The following EEA1 variants were observed in gnomAD, a reference collection of about 807,000 sequenced individuals.
EEA1 encodes early endosome antigen 1, 162kD.
A neutral mutation model predicts 209.2 loss-of-function variants in EEA1; 111 were observed. That is an observed-to-expected ratio of 0.53 (90% CI 0.45 to 0.62). The LOEUF is 0.62. Ranked by LOEUF, EEA1 falls within the 20% of genes least tolerant of loss-of-function variation. The pLI, the probability that EEA1 is intolerant of heterozygous loss-of-function variation, is 0.00. For missense variants in EEA1, 1,343 were observed against 1,530.8 expected (o/e 0.88, Z 2.05); for synonymous variants, 536 against 540.6 (o/e 0.99, Z 0.12).
intron 20 of EEA1, 105 bp downstream of exon 20, chr12:92,801,495 T>C (rs1874905642): frequency 4.4e-6 from 3 of 677,634 alleles, no homozygotes; most frequent in Non-Finnish European, 4.5e-6. Context: ...AAAAAAATTA[T>C]CTGTGGAAAT....
chr12:92,814,424 A>C (rs1027844769), intron 15 of EEA1, among the ~76,000 whole-genome samples: 7 of 152,170 alleles, frequency 4.6e-5, no homozygotes, highest in African/African-American at 1.7e-4. Flanking sequence ...TATCTGAGGA[A>C]CCAAAAACTC....
intron 21 of EEA1, among the ~76,000 whole-genome samples, chr12:92,794,614 A>T (rs1874568686): frequency 6.6e-6 from 1 of 152,088 alleles, no homozygotes; most frequent in Admixed American, 6.6e-5. Flanking sequence ...CATCATTCTC[A>T]GCAAACTATA....
intron 2 of EEA1, among the ~76,000 whole-genome samples, chr12:92,876,275 C>G (rs188146337): frequency 5.5e-4 from 84 of 152,030 alleles, no homozygotes; most frequent in African/African-American, 1.6e-3. Context: ...TGGCATCTCC[C>G]TATGTTGTCC....
At chr12:92,883,579 A>G (rs1412004341) in intron 2 of EEA1, among the ~76,000 whole-genome samples, 1 of 152,112 alleles carries the variant, frequency 6.6e-6, no homozygotes, top group African/African-American at 2.4e-5. Context: ...TTTGAGCTAA[A>G]TTTTTTATAT....
intron 3 of EEA1, chr12:92,859,134 AAAG>A (rs749225064): frequency 2.2e-6 from 3 of 1,333,636 alleles, no homozygotes; most frequent in Non-Finnish European, 3.2e-6. Flanking sequence ...TAGAGATTAT[AAAG>A]AAGAATTTTG....
chr12:92,853,107 T>TA, intron 6 of EEA1, 82 bp from the exon 7 acceptor site: 3 of 909,600 alleles, frequency 3.3e-6, no homozygotes, highest in Non-Finnish European at 3.3e-6. Flanking sequence ...ATTACAGTTG[T>TA]AAAGATGATC....
chr12:92,866,191 CAAAAAAAAAAAAA>C (rs11317190), intron 2 of EEA1, among the ~76,000 whole-genome samples: 1 of 71,728 alleles, frequency 1.4e-5, no homozygotes, highest in East Asian at 4.1e-4. Context: ...GACTCCTTCT[CAAAAAAAAAAAAA>C]AAAAAAAAAA....
chr12:92,795,826 T>C (rs1302603686), intron 21 of EEA1, among the ~76,000 whole-genome samples: 1 of 152,198 alleles, frequency 6.6e-6, no homozygotes, highest in Non-Finnish European at 1.5e-5. Flanking sequence ...TTTTCTAAAA[T>C]ACTGCTTCTT....
chr12:92,819,294 T>C lies in EEA1; in HGVS notation c.1728+14A>G, dbSNP rs903139062. 2.6e-6 allele frequency: 4 copies of C among 1,568,432 alleles called. No homozygotes were observed. The East Asian group carries it at 6.8e-5, about 27-fold the overall frequency. ...AAGTAAATTTTACAAATATAATATA[T>C]TTTACAAGCTTACTTGCTCCTGTAG... On this transcript the variant is annotated intron_variant, in intron 14 of 28. Coordinates refer to ENST00000322349, the MANE Select transcript of EEA1 (RefSeq NM_003566.4).
intron 10 of EEA1, among the ~76,000 whole-genome samples, chr12:92,835,658 G>A (rs577563430): frequency 2.0e-5 from 3 of 151,450 alleles, no homozygotes; most frequent in African/African-American, 4.8e-5. Flanking sequence ...TGATCTGCCC[G>A]CCTTGGCCTA....
rs1220888757 is a variant in EEA1, at chr12:92,774,994, A to C, written c.*1017T>G. ...CTTTAAGATGCAAAATTATAAAACA[A>C]ATACATGAAGCTGATCTATGCTTGA... On this transcript the variant is annotated 3_prime_UTR_variant, in exon 29 of 29. Coordinates refer to ENST00000322349, the MANE Select transcript of EEA1 (RefSeq NM_003566.4). 2 of 151,772 alleles carry C rather than the reference A, an allele frequency of 1.3e-5. No homozygotes were observed. The highest frequency in any genetic ancestry group is 4.8e-5 in the African/African-American group (2 of 41,424). The allele number at this position is 151,772 out of a possible 1,614,324, so 9.4% of individuals were successfully genotyped here.
At chr12:92,801,192 G>C (rs1874892188) in intron 20 of EEA1, among the ~76,000 whole-genome samples, 1 of 151,858 alleles carries the variant, frequency 6.6e-6, no homozygotes, top group South Asian at 2.1e-4. Context: ...ATGAAATAAA[G>C]AGCCATAAAG....
At position 92,891,619 on chromosome 12, in the gene EEA1, A is replaced by G. The variant is rs928394748; in HGVS notation, c.117+10T>C. The G allele has an allele frequency of 2.6e-6, 4 of 1,564,940 alleles. No homozygotes were observed. In the Middle Eastern group the frequency reaches 5.1e-4, roughly 198 times the overall value. On this transcript the variant is annotated intron_variant, in intron 2 of 28. Coordinates refer to ENST00000322349, the MANE Select transcript of EEA1 (RefSeq NM_003566.4). ...TATTGAATTTTATTGCCAAGTTATT[A>G]TTTTCATACCTCTGAAGAGCTTTCA...
chr12:92,894,337 A>C (rs561371398), intron 1 of EEA1, among the ~76,000 whole-genome samples: 1 of 152,316 alleles, frequency 6.6e-6, no homozygotes, highest in East Asian at 1.9e-4. Context: ...CTAAGTGTTC[A>C]AGTGAAAAGA....
chr12:92,814,143 C>T (rs1482766223), intron 15 of EEA1, among the ~76,000 whole-genome samples: 3 of 152,062 alleles, frequency 2.0e-5, no homozygotes, highest in East Asian at 3.9e-4. Flanking sequence ...AAGAGAGGAT[C>T]AATGAACATA....
At chr12:92,898,683 G>T (rs1880006490) in intron 1 of EEA1, among the ~76,000 whole-genome samples, 3 of 146,498 alleles carry the variant, frequency 2.0e-5, no homozygotes, top group Non-Finnish European at 3.0e-5. Context: ...AAAGAAGAAG[G>T]AACATTACTT....
At position 92,894,305 on chromosome 12, in the gene EEA1, A is replaced by G. The variant is rs115870177; in HGVS notation, c.25-2584T>C. The stretch of plus-strand genomic sequence containing the variant: ...ACACAACCATATTAAAATTAGGCCA[A>G]TTAATAACCCTATAATGGCCTCTAA... On this transcript the variant is annotated intron_variant, in intron 1 of 28. Transcript: ENST00000322349. Among the ~76,000 whole-genome samples, 367 of 152,288 alleles carry G rather than the reference A, an allele frequency of 2.4e-3. 3 individuals carry two copies. The highest frequency in any genetic ancestry group is 8.1e-3 in the African/African-American group (337 of 41,560).
intron 21 of EEA1, among the ~76,000 whole-genome samples, chr12:92,790,001 CAG>C (rs1874324105): frequency 6.6e-6 from 1 of 152,152 alleles, no homozygotes; most frequent in African/African-American, 2.4e-5. Context: ...CCCAGGCAAA[CAG>C]AGTCTGGAGT....
chr12:92,885,878 G>A (rs1879360107), intron 2 of EEA1, among the ~76,000 whole-genome samples: 1 of 152,106 alleles, frequency 6.6e-6, no homozygotes, highest in African/African-American at 2.4e-5. Flanking sequence ...ACATAATGCT[G>A]AGCAAATCCT....
Sources: allele counts gnomAD v4.1 joint callset (sites outside exome capture counted in the v4.1 genomes callset), GRCh38; gene constraint gnomAD v4.1.1; transcripts MANE v1.5; gene names NCBI Gene and HGNC (gene_info 2026-07-23, HGNC 2026-07-21).